The following CTNNA3 variants were observed in gnomAD, a reference collection of about 807,000 sequenced individuals.
CTNNA3 encodes the protein catenin alpha-3.
Under a neutral mutation model 95.7 loss-of-function variants are expected in CTNNA3, and 76 were observed. That is an observed-to-expected ratio of 0.79 (90% CI 0.66 to 0.96). The LOEUF (loss-of-function observed/expected upper bound fraction) is 0.96, where lower values mean the gene tolerates loss of function less well. CTNNA3 is among the 40% of genes least tolerant of loss of function. The pLI is 0.00. For synonymous variants in CTNNA3, 431 were observed against 374.4 expected, an observed-to-expected ratio of 1.15 and a Z score of -1.74; for missense variants, 1,191 against 1,089.8, an observed-to-expected ratio of 1.09 and a Z score of -1.31.
chr10:67,518,098 C>T (rs992699186), intron 5 of CTNNA3, among the ~76,000 whole-genome samples: 5 of 151,866 alleles, frequency 3.3e-5, no homozygotes, highest in Admixed American at 6.6e-5. Flanking sequence ...GTTATTTTTC[C>T]GATGCTTTTT....
chr10:67,234,182 A>C (rs987965377), intron 5 of CTNNA3, among the ~76,000 whole-genome samples: 1 of 152,222 alleles, frequency 6.6e-6, no homozygotes, highest in African/African-American at 2.4e-5. Context: ...CATCATCCTG[A>C]TACCAAAGCC....
At chr10:67,106,015 C>T (rs1404015775) in intron 7 of CTNNA3, among the ~76,000 whole-genome samples, 1 of 152,214 alleles carries the variant, frequency 6.6e-6, no homozygotes, top group Non-Finnish European at 1.5e-5. Context: ...TCTTGAGCCA[C>T]CATTGGCTTT....
intron 14 of CTNNA3, among the ~76,000 whole-genome samples, chr10:66,078,167 T>C (rs545013001): frequency 6.6e-6 from 1 of 152,020 alleles, no homozygotes; most frequent in Non-Finnish European, 1.5e-5. Context: ...CTTTCCTCTC[T>C]ATGTCTACAT....
intron 11 of CTNNA3, among the ~76,000 whole-genome samples, chr10:66,383,978 G>A (rs1000359504): frequency 3.3e-5 from 5 of 152,112 alleles, no homozygotes; most frequent in African/African-American, 1.2e-4. Flanking sequence ...ACTGGTACCA[G>A]CCACTGCAAA....
chr10:66,094,514 G>A (rs1309773193), intron 14 of CTNNA3, among the ~76,000 whole-genome samples: 1 of 152,064 alleles, frequency 6.6e-6, no homozygotes, highest in African/African-American at 2.4e-5. Context: ...CAGAAATCTA[G>A]GTGAGAGGTG....
intron 15 of CTNNA3, among the ~76,000 whole-genome samples, chr10:66,047,046 A>T (rs1462442127): frequency 6.6e-6 from 1 of 152,186 alleles, no homozygotes; most frequent in African/African-American, 2.4e-5. Context: ...ATTCTACTAG[A>T]TGTACAAAGA....
chr10:65,962,079 T>C (rs2077857180), intron 17 of CTNNA3, among the ~76,000 whole-genome samples: 1 of 152,188 alleles, frequency 6.6e-6, no homozygotes, highest in Non-Finnish European at 1.5e-5. Context: ...TCTCAGAATC[T>C]ATAAAGGTAC....
chr10:66,176,956 A>AG (rs1370884538), intron 13 of CTNNA3, among the ~76,000 whole-genome samples: 5 of 150,932 alleles, frequency 3.3e-5, no homozygotes, highest in Non-Finnish European at 5.9e-5. Flanking sequence ...TAGTTTCTTA[A>AG]GGGAAAAAAA....
chr10:66,407,789 C>T (rs896541667), intron 11 of CTNNA3, among the ~76,000 whole-genome samples: 1 of 152,144 alleles, frequency 6.6e-6, no homozygotes, highest in Non-Finnish European at 1.5e-5. Context: ...CCATCTTGGC[C>T]AGGCTGGTCT....
chr10:66,122,378 T>C (rs1413531035), intron 13 of CTNNA3, among the ~76,000 whole-genome samples: 2 of 152,064 alleles, frequency 1.3e-5, no homozygotes, highest in African/African-American at 4.8e-5. Flanking sequence ...TAACATACAT[T>C]ACATGTAATA....
At position 66,358,519 on chromosome 10, in the gene CTNNA3, AC is replaced by A. The variant is rs530004185; in HGVS notation, c.1732+20632del. Among the ~76,000 whole-genome samples, 8 of 152,100 alleles carry A rather than the reference AC, an allele frequency of 5.3e-5. No individual in the cohort carries two copies. The East Asian group carries it at 1.5e-3, about 29-fold the overall frequency. Reference sequence around the variant, plus strand: ...GGAAGAGTTAGGGAAAGGTATACTTACTCCATTTTTAACTTGGGTTGGTGCC... The same window carrying A: ...GGAAGAGTTAGGGAAAGGTATACTTATCCATTTTTAACTTGGGTTGGTGCC... On this transcript the variant is annotated intron_variant, in intron 12 of 17. Coordinates refer to ENST00000433211, the MANE Select transcript of CTNNA3 (RefSeq NM_013266.4).
chr10:66,956,096 A>G (rs912153721), intron 7 of CTNNA3, among the ~76,000 whole-genome samples: 4 of 152,094 alleles, frequency 2.6e-5, no homozygotes, highest in African/African-American at 4.8e-5. Context: ...TTGCAAAGGT[A>G]CCTGACCACC....
At chr10:67,080,496 T>A (rs1025684915) in intron 7 of CTNNA3, among the ~76,000 whole-genome samples, 1 of 152,122 alleles carries the variant, frequency 6.6e-6, no homozygotes. Flanking sequence ...GACATGAGAT[T>A]TTTTTTTCTC....
chr10:67,188,666 C>A (rs187476239), intron 6 of CTNNA3, among the ~76,000 whole-genome samples: 135 of 152,246 alleles, frequency 8.9e-4, no homozygotes, highest in South Asian at 2.5e-3. Context: ...GAAATGAAAT[C>A]AGTATATCAA....
chr10:67,023,980 A>G (rs184812354), intron 7 of CTNNA3, among the ~76,000 whole-genome samples: 2 of 152,326 alleles, frequency 1.3e-5, no homozygotes, highest in African/African-American at 4.8e-5. Context: ...CTCAGAGTCT[A>G]TATTAATTTC....
At chr10:66,235,840 A>G (rs2089829638) in intron 13 of CTNNA3, among the ~76,000 whole-genome samples, 1 of 152,166 alleles carries the variant, frequency 6.6e-6, no homozygotes. Flanking sequence ...ATGTCCATTT[A>G]TCATTGTCTA....
intron 17 of CTNNA3, among the ~76,000 whole-genome samples, chr10:65,934,074 G>C (rs1481174510): frequency 6.6e-6 from 1 of 152,072 alleles, no homozygotes; most frequent in Non-Finnish European, 1.5e-5. Flanking sequence ...GATGATAGAA[G>C]GAAATGTTAA....
At chr10:66,201,783 CTTTTTTTT>C (rs1236010501) in intron 13 of CTNNA3, among the ~76,000 whole-genome samples, 17 of 79,378 alleles carry the variant, frequency 2.1e-4, no homozygotes, top group East Asian at 7.8e-4. Context: ...TTTACTTTTT[CTTTTTTTT>C]TTTTTTTTTT....
At chr10:66,198,041 C>G (rs954052958) in intron 13 of CTNNA3, among the ~76,000 whole-genome samples, 3 of 152,064 alleles carry the variant, frequency 2.0e-5, no homozygotes, top group East Asian at 1.9e-4. Flanking sequence ...ATCTTTTGTT[C>G]CTCAGATAGA....
Sources: allele counts gnomAD v4.1 joint callset (sites outside exome capture counted in the v4.1 genomes callset), GRCh38; gene constraint gnomAD v4.1.1; transcripts MANE v1.5; gene names NCBI Gene and HGNC (gene_info 2026-07-23, HGNC 2026-07-21).